Variants in RBFOX1 observed in about 807,000 individuals in gnomAD.
RBFOX1 encodes the protein RNA binding protein fox-1 homolog 1.
A neutral mutation model predicts 57.7 loss-of-function variants in RBFOX1; 8 were observed. The ratio of observed to expected loss-of-function variants is 0.14; its 90% CI spans 0.08 to 0.25. The LOEUF is 0.25. Among genes scored for constraint, RBFOX1 ranks in the 10% least tolerant of loss-of-function variants. RBFOX1 has a pLI of 1.00. For missense variants in RBFOX1, 611 were observed against 548.5 expected (o/e 1.11, Z -1.14); for synonymous variants, 326 against 222.4 (o/e 1.47, Z -4.15).
At chr16:7,598,486 C>A (rs142996557) in intron 9 of RBFOX1, among the ~76,000 whole-genome samples, 2 of 151,766 alleles carry the variant, frequency 1.3e-5, no homozygotes, top group East Asian at 1.9e-4. Context: ...CATGGAGATA[C>A]GGATTTTTTA....
At chr16:6,811,470 C>A (rs2088561473) in intron 3 of RBFOX1, among the ~76,000 whole-genome samples, 1 of 151,978 alleles carries the variant, frequency 6.6e-6, no homozygotes, top group Non-Finnish European at 1.5e-5. Flanking sequence ...TGTAAAATTC[C>A]TGTTTGATTT....
chr16:5,772,911 A>G (rs2054027903), intron 3 of RBFOX1, among the ~76,000 whole-genome samples: 1 of 152,318 alleles, frequency 6.6e-6, no homozygotes, highest in African/African-American at 2.4e-5. Context: ...TTTTGCAGAC[A>G]TTGGAGGAAG....
At chr16:5,568,788 T>G (rs1208730571) in intron 2 of RBFOX1, among the ~76,000 whole-genome samples, 2 of 152,204 alleles carry the variant, frequency 1.3e-5, no homozygotes, top group Non-Finnish European at 2.9e-5. Context: ...ATTTGTTTTT[T>G]CACTCCTCCC....
At chr16:6,015,986 C>G (rs2094991215), upstream of RBFOX1, among the ~76,000 whole-genome samples, 1 of 152,178 alleles carries the variant, frequency 6.6e-6, no homozygotes. Context: ...GAACAAAGGA[C>G]TACATAAATG....
rs1231981028 is a variant in RBFOX1, at chr16:6,565,816, CT to C, written c.-63-88786del. Reference sequence around the variant, plus strand: ...TAAGCTCACCTGATGAAAAAAAGAGCTGGAAGGATTAGCAGCTATGTGAGGC... The same window carrying C: ...TAAGCTCACCTGATGAAAAAAAGAGCGGAAGGATTAGCAGCTATGTGAGGC... On this transcript the variant is annotated intron_variant, in intron 2 of 15. Coordinates refer to ENST00000550418, the MANE Select transcript of RBFOX1 (RefSeq NM_018723.4). 7.9e-5 allele frequency among the ~76,000 whole-genome samples: 12 copies of C among 152,154 alleles called. 1 individual carries two copies. The highest frequency in any genetic ancestry group is 6.6e-5 in the Admixed American group (1 of 15,266).
At chr16:7,179,863 T>C (rs984093486) in intron 4 of RBFOX1, among the ~76,000 whole-genome samples, 1 of 152,042 alleles carries the variant, frequency 6.6e-6, no homozygotes, top group East Asian at 1.9e-4. Context: ...GCCTCCTGAA[T>C]AGCTGGGATA....
chr16:5,261,875 C>G (rs1037758610), intron 1 of RBFOX1, among the ~76,000 whole-genome samples: 11 of 152,090 alleles, frequency 7.2e-5, no homozygotes, highest in African/African-American at 2.7e-4. Flanking sequence ...TGTAGTAACC[C>G]CCTTTCCCTG....
intron 3 of RBFOX1, among the ~76,000 whole-genome samples, chr16:6,985,639 C>G (rs771452095): frequency 1.3e-5 from 2 of 152,026 alleles, no homozygotes; most frequent in Non-Finnish European, 2.9e-5. Context: ...AACAGTCTGA[C>G]CAGCGTGGCA....
intron 4 of RBFOX1, among the ~76,000 whole-genome samples, chr16:7,359,113 T>C (rs773923548): frequency 1.3e-5 from 2 of 152,114 alleles, no homozygotes; most frequent in Non-Finnish European, 2.9e-5. Flanking sequence ...TGTGGGTGAG[T>C]TAAACATGTT....
At chr16:6,269,144 G>A (rs1315950888) in intron 1 of RBFOX1, among the ~76,000 whole-genome samples, 1 of 152,158 alleles carries the variant, frequency 6.6e-6, no homozygotes, top group African/African-American at 2.4e-5. Context: ...TAGTATGACA[G>A]ATTTCTCTTC....
intron 2 of RBFOX1, among the ~76,000 whole-genome samples, chr16:5,553,382 C>A (rs1444598181): frequency 6.6e-6 from 1 of 151,200 alleles, no homozygotes; most frequent in Admixed American, 6.6e-5. Flanking sequence ...GTGGCACAAT[C>A]TCAGCTCACT....
intron 2 of RBFOX1, among the ~76,000 whole-genome samples, chr16:6,604,970 AC>A (rs2097906027): frequency 6.6e-6 from 1 of 152,066 alleles, no homozygotes; most frequent in African/African-American, 2.4e-5. Flanking sequence ...CCTCATCTTT[AC>A]CAAAAAAAGT....
chr16:6,279,285 T>G (rs1057459870), intron 1 of RBFOX1, among the ~76,000 whole-genome samples: 4 of 152,208 alleles, frequency 2.6e-5, no homozygotes, highest in African/African-American at 9.7e-5. Flanking sequence ...AATGGCTGTT[T>G]TATCCTCATT....
chr16:6,565,304 T>C (rs2097247494), intron 2 of RBFOX1, among the ~76,000 whole-genome samples: 1 of 151,394 alleles, frequency 6.6e-6, no homozygotes, highest in African/African-American at 2.4e-5. Flanking sequence ...TTGCCCAGGC[T>C]GGAGCTCAGT....
At chr16:5,368,767 AT>A (rs551780681) in intron 1 of RBFOX1, among the ~76,000 whole-genome samples, 1 of 151,862 alleles carries the variant, frequency 6.6e-6, no homozygotes, top group South Asian at 2.1e-4. Flanking sequence ...CTCAGCGTTG[AT>A]TTTTTCCCTT....
At chr16:6,361,949 G>A (rs540326747) in intron 2 of RBFOX1, among the ~76,000 whole-genome samples, 1 of 152,072 alleles carries the variant, frequency 6.6e-6, no homozygotes, top group African/African-American at 2.4e-5. Context: ...TGAAGTCCCT[G>A]TGTGATATAC....
intron 3 of RBFOX1, among the ~76,000 whole-genome samples, chr16:6,866,494 G>C (rs911344855): frequency 7.0e-6 from 1 of 143,336 alleles, no homozygotes; most frequent in African/African-American, 2.6e-5. Flanking sequence ...GTTTCACAAA[G>C]GACTTTTTTT....
At position 6,978,630 on chromosome 16, in the gene RBFOX1, C is replaced by A. The variant is rs577582222; in HGVS notation, c.-15-73427C>A. On this transcript the variant is annotated intron_variant, in intron 3 of 15. Coordinates refer to ENST00000550418, the MANE Select transcript of RBFOX1 (RefSeq NM_018723.4). The stretch of plus-strand genomic sequence containing the variant: ...CCTTCCACATATTTTCTCTTGTAAT[C>A]GTTTTAATGTCCTCATGATGATTTT... Among the ~76,000 whole-genome samples the A allele has an allele frequency of 1.8e-4, 28 of 152,232 alleles. 1 individual carries two copies. Among genetic ancestry groups the A allele is most frequent in the African/African-American group, 5.8e-4 (24 of 41,542 alleles).
chr16:7,162,145 A>T (rs1405529823), intron 4 of RBFOX1, among the ~76,000 whole-genome samples: 1 of 152,172 alleles, frequency 6.6e-6, no homozygotes. Context: ...CAGGGAAGCC[A>T]GTGCTTTTCC....
Sources: gnomAD v4.1 joint callset for allele counts (sites outside exome capture counted in the v4.1 genomes callset) on GRCh38, gnomAD v4.1.1 for gene constraint, MANE v1.5 for transcripts, NCBI Gene and HGNC (gene_info 2026-07-23, HGNC 2026-07-21) for gene names.